The following GRIK1 variants were observed in gnomAD, a reference collection of about 807,000 sequenced individuals.
GRIK1 encodes the protein glutamate ionotropic receptor kainate type subunit 1, also known as glutamate receptor ionotropic, kainate 1.
A neutral mutation model predicts 105.7 loss-of-function variants in GRIK1; 69 were observed. The observed-to-expected ratio is 0.65, with a 90% CI of 0.54 to 0.80. The LOEUF (loss-of-function observed/expected upper bound fraction) is 0.80, where lower values mean the gene tolerates loss of function less well. Ranked by LOEUF, GRIK1 falls within the 30% of genes least tolerant of loss-of-function variation. The pLI is 0.00. For missense variants in GRIK1, 1,109 were observed against 1,167.3 expected, an observed-to-expected ratio of 0.95 and a Z score of 0.73; for synonymous variants, 438 against 431.3, an observed-to-expected ratio of 1.02 and a Z score of -0.19.
chr21:29,897,306 C>A (rs576727883), intron 1 of GRIK1, among the ~76,000 whole-genome samples: 5 of 152,172 alleles, frequency 3.3e-5, no homozygotes, highest in African/African-American at 1.2e-4. Context: ...TTGATCCTGA[C>A]AGTAAAGCAT....
intron 1 of GRIK1, among the ~76,000 whole-genome samples, chr21:29,854,383 A>G (rs1284831532): frequency 6.6e-6 from 1 of 152,170 alleles, no homozygotes; most frequent in Non-Finnish European, 1.5e-5. Context: ...TCAGACTTCA[A>G]CATGAGATTT....
intron 1 of GRIK1, among the ~76,000 whole-genome samples, chr21:29,768,027 A>C (rs534866118): frequency 6.6e-6 from 1 of 152,272 alleles, no homozygotes; most frequent in Non-Finnish European, 1.5e-5. Context: ...GGTCCCAGCT[A>C]CCAATCTTCC....
rs1052984875 is a variant in GRIK1 at position 29,615,343 on chromosome 21, G to A, written c.1099-16406C>T. Among the ~76,000 whole-genome samples the A allele has an allele frequency of 1.2e-4, 17 of 146,986 alleles. 1 individual carries two copies. The highest frequency in any genetic ancestry group is 4.6e-4 in the African/African-American group (17 of 36,898). On this transcript the variant is annotated intron_variant, in intron 7 of 17. Coordinates refer to ENST00000327783, the MANE Select transcript of GRIK1 (RefSeq NM_001330994.2). ...CTTTCTTTTTTTGATACAGAGTCTT[G>A]CTCTCTCTCAGGCTGGAGTGCAATG...
intron 1 of GRIK1, among the ~76,000 whole-genome samples, chr21:29,861,366 GT>G: frequency 1.3e-5 from 2 of 152,122 alleles, no homozygotes; most frequent in African/African-American, 4.8e-5. Context: ...GAGTGCAGCA[GT>G]GCAGTCTCAG....
chr21:29,753,027 C>A (rs942827981), intron 1 of GRIK1, among the ~76,000 whole-genome samples: 1 of 152,076 alleles, frequency 6.6e-6, no homozygotes, highest in Admixed American at 6.5e-5. Context: ...TGCACAGCAC[C>A]CTATGCTCTT....
At chr21:29,561,223 A>G (rs755551920) in intron 15 of GRIK1, among the ~76,000 whole-genome samples, 2 of 152,144 alleles carry the variant, frequency 1.3e-5, no homozygotes, top group Non-Finnish European at 2.9e-5. Flanking sequence ...TAGCCCTCTC[A>G]CTTTTGCTGT....
chr21:29,557,747 C>A (rs112257832), intron 15 of GRIK1, among the ~76,000 whole-genome samples: 1 of 152,108 alleles, frequency 6.6e-6, no homozygotes, highest in Non-Finnish European at 1.5e-5. Context: ...TAAATATCCT[C>A]AGAATAATGG....
intron 1 of GRIK1, among the ~76,000 whole-genome samples, chr21:29,843,930 G>A (rs997313663): frequency 3.9e-5 from 6 of 152,182 alleles, no homozygotes; most frequent in African/African-American, 1.2e-4. Flanking sequence ...AGGGCAGAAA[G>A]TTGGTGCTGT....
chr21:29,581,615 C>A (rs2091025409), intron 12 of GRIK1, 72 bp from the exon 13 acceptor site: 3 of 810,612 alleles, frequency 3.7e-6, no homozygotes, highest in South Asian at 1.6e-5. Flanking sequence ...CCAAAACCTG[C>A]TGAGCAATGC....
At chr21:29,769,438 G>A (rs2065757541) in intron 1 of GRIK1, among the ~76,000 whole-genome samples, 1 of 152,154 alleles carries the variant, frequency 6.6e-6, no homozygotes, top group African/African-American at 2.4e-5. Flanking sequence ...AGGACTGGAG[G>A]TGAGGGGTGG....
chr21:29,747,274 C>T (rs2065069845), intron 1 of GRIK1, among the ~76,000 whole-genome samples: 1 of 152,190 alleles, frequency 6.6e-6, no homozygotes, highest in Admixed American at 6.5e-5. Flanking sequence ...AAGAAAGTCT[C>T]AGAGCAATAT....
chr21:29,902,892 C>T (rs905103899), intron 1 of GRIK1, among the ~76,000 whole-genome samples: 2 of 152,170 alleles, frequency 1.3e-5, no homozygotes, highest in African/African-American at 2.4e-5. Context: ...CACTACAAGG[C>T]TACAGTAACC....
chr21:29,734,411 CTTTTCTTTTCTTTTT>C (rs757089654), intron 1 of GRIK1, among the ~76,000 whole-genome samples: 13,458 of 39,260 alleles, frequency 0.34, 1,947 homozygotes, highest in Middle Eastern at 0.5. Context: ...CTTTTCTTTT[CTTTTCTTTTCTTTTT>C]GAGACAGAGT....
intron 5 of GRIK1, among the ~76,000 whole-genome samples, chr21:29,652,890 A>G (rs2062769563): frequency 6.6e-6 from 1 of 152,204 alleles, no homozygotes; most frequent in African/African-American, 2.4e-5. Context: ...ATACAAATTT[A>G]TTCTTTTGAT....
intron 1 of GRIK1, among the ~76,000 whole-genome samples, chr21:29,744,585 G>T (rs1905226025): frequency 6.7e-6 from 1 of 148,932 alleles, no homozygotes; most frequent in African/African-American, 2.5e-5. Context: ...TTTCCTCCCT[G>T]GAATTCTATT....
intron 13 of GRIK1, among the ~76,000 whole-genome samples, chr21:29,579,985 G>GTGTATATATA (rs201446350): frequency 0.013 from 1,915 of 144,574 alleles, 57 homozygotes; most frequent in African/African-American, 0.043. Context: ...ATATATATGT[G>GTGTATATATA]TGTATATATA....
intron 7 of GRIK1, among the ~76,000 whole-genome samples, chr21:29,624,552 C>T (rs1601306597): frequency 6.6e-6 from 1 of 152,176 alleles, no homozygotes; most frequent in Non-Finnish European, 1.5e-5. Context: ...AAAAGGTCAG[C>T]TCAAGTTATA....
intron 1 of GRIK1, among the ~76,000 whole-genome samples, chr21:29,803,983 A>T (rs2066785215): frequency 6.6e-6 from 1 of 152,150 alleles, no homozygotes. Flanking sequence ...CTATGTGTCC[A>T]GCATCAAGTA....
At chr21:29,635,552 A>C (rs1004761530) in intron 7 of GRIK1, among the ~76,000 whole-genome samples, 1 of 152,172 alleles carries the variant, frequency 6.6e-6, no homozygotes, top group Non-Finnish European at 1.5e-5. Flanking sequence ...GACTGATATA[A>C]ATGTGAGAAA....
Sources: gnomAD v4.1 joint callset for allele counts (sites outside exome capture counted in the v4.1 genomes callset) on GRCh38, gnomAD v4.1.1 for gene constraint, MANE v1.5 for transcripts, NCBI Gene and HGNC (gene_info 2026-07-23, HGNC 2026-07-21) for gene names.